The following UNC93A variants were observed in gnomAD, a reference collection of about 807,000 sequenced individuals.
UNC93A encodes unc-93 homolog A, also known as N-acetylglucosamine transporter UNC93A.
In UNC93A, 43 loss-of-function variants were observed where a neutral mutation model predicts 47.5. The ratio of observed to expected loss-of-function variants is 0.91; its 90% CI spans 0.71 to 1.17. The LOEUF (loss-of-function observed/expected upper bound fraction) is 1.17. UNC93A is among the 50% of genes most tolerant of loss of function. The pLI, the probability that UNC93A is intolerant of heterozygous loss-of-function variation, is 0.00. For missense variants in UNC93A, 605 were observed against 577.6 expected (o/e 1.05, Z -0.49); for synonymous variants, 280 against 258.0 (o/e 1.09, Z -0.82).
rs772633953 is a variant in UNC93A at position 167,307,774 on chromosome 6, C to G, written c.977-5C>G. 4.7e-5 allele frequency: 75 copies of G among 1,591,334 alleles called. No homozygotes were observed. The highest frequency in any genetic ancestry group is 6.1e-5 in the Non-Finnish European group (71 of 1,171,998). ...CGCCTGGCGGTTTCCCCTCTGCACC[C>G]CCAGGCGCGGTGACCCACGTGTCCT... On this transcript the variant is annotated splice_polypyrimidine_tract_variant and splice_region_variant and intron_variant, in intron 6 of 7. Transcript: ENST00000230256.
At chr6:167,291,025 T>G (rs1783830694), upstream of UNC93A, among the ~76,000 whole-genome samples, 1 of 152,166 alleles carries the variant, frequency 6.6e-6, no homozygotes, top group African/African-American at 2.4e-5. Flanking sequence ...AAGTTGACAT[T>G]TATGCTTTGT....
intron 1 of UNC93A, among the ~76,000 whole-genome samples, chr6:167,285,676 G>T (rs558019715): frequency 6.6e-6 from 1 of 151,564 alleles, no homozygotes; most frequent in Non-Finnish European, 1.5e-5. Context: ...TGGGGTGGGG[G>T]TTCTGGAGGG....
At chr6:167,305,040 G>C (rs1415806392) in intron 5 of UNC93A, among the ~76,000 whole-genome samples, 1 of 152,238 alleles carries the variant, frequency 6.6e-6, no homozygotes, top group African/African-American at 2.4e-5. Flanking sequence ...CTGGGGGCCA[G>C]AGCTGGACCA....
intron 7 of UNC93A, among the ~76,000 whole-genome samples, chr6:167,309,688 CCTCAGA>C (rs1778504542): frequency 6.6e-6 from 1 of 152,196 alleles, no homozygotes; most frequent in Non-Finnish European, 1.5e-5. Context: ...GCACATGTGA[CCTCAGA>C]TCGCGGACAG....
chr6:167,294,268 C>A (rs576765347), intron 1 of UNC93A, among the ~76,000 whole-genome samples: 2 of 152,162 alleles, frequency 1.3e-5, no homozygotes, highest in African/African-American at 4.8e-5. Flanking sequence ...CATCCAGCCC[C>A]GGCGCAAGCA....
At chr6:167,276,363 C>A (rs1358245013) in intron 1 of UNC93A, among the ~76,000 whole-genome samples, 2 of 152,136 alleles carry the variant, frequency 1.3e-5, no homozygotes, top group Admixed American at 1.3e-4. Flanking sequence ...TGGATGAACA[C>A]CCAGGAGTGG....
intron 1 of UNC93A, among the ~76,000 whole-genome samples, chr6:167,281,045 G>A (rs1783623433): frequency 6.6e-6 from 1 of 152,086 alleles, no homozygotes; most frequent in Admixed American, 6.5e-5. Flanking sequence ...TATCATGATT[G>A]CCCAGAAGGA....
Position 167,292,363 on chromosome 6 carries a change from G to A in UNC93A, c.87+787G>A, listed in dbSNP as rs1783860403. Among the ~76,000 whole-genome samples the A allele has an allele frequency of 2.6e-5, 4 of 152,134 alleles. No homozygotes were observed. In the South Asian group the frequency reaches 6.2e-4, roughly 24 times the overall value. On this transcript the variant is annotated intron_variant, in intron 1 of 7. Coordinates refer to ENST00000230256, the MANE Select transcript of UNC93A (RefSeq NM_018974.4). ...AAATTAGTGTGGTCTTACATGGTTCGTCAATGAAGAATAAGAATTGGGCAC... is the reference window on the plus strand; with the variant it reads ...AAATTAGTGTGGTCTTACATGGTTCATCAATGAAGAATAAGAATTGGGCAC...
chr6:167,280,855 A>T (rs1783620356), intron 1 of UNC93A, among the ~76,000 whole-genome samples: 1 of 152,198 alleles, frequency 6.6e-6, no homozygotes, highest in Non-Finnish European at 1.5e-5. Flanking sequence ...GAAAACGCCC[A>T]TCAGCAGGCA....
chr6:167,275,321 T>A (rs1488563912), intron 1 of UNC93A, among the ~76,000 whole-genome samples: 1 of 152,232 alleles, frequency 6.6e-6, no homozygotes, highest in Non-Finnish European at 1.5e-5. Flanking sequence ...GGTGGCTTCC[T>A]CAGTGGCGTT....
intron 1 of UNC93A, among the ~76,000 whole-genome samples, chr6:167,274,166 C>T (rs971492178): frequency 9.9e-5 from 15 of 152,214 alleles, no homozygotes; most frequent in Middle Eastern, 3.4e-3. Flanking sequence ...TGGAAAGAGC[C>T]GAGTTACACA....
intron 1 of UNC93A, among the ~76,000 whole-genome samples, chr6:167,274,226 C>A (rs1442588235): frequency 4.6e-5 from 7 of 152,194 alleles, no homozygotes; most frequent in Non-Finnish European, 1.5e-5. Flanking sequence ...AGGGTGACCT[C>A]CCCAGGCCCC....
intron 1 of UNC93A, among the ~76,000 whole-genome samples, chr6:167,273,204 G>A (rs752573910): frequency 1.3e-5 from 2 of 152,092 alleles, no homozygotes; most frequent in African/African-American, 2.4e-5. Flanking sequence ...TTTCCTTCCC[G>A]GGCTTGTGCA....
intron 6 of UNC93A, 23 bp from the exon 7 acceptor site, chr6:167,307,756 C>T (rs1032450693): frequency 1.4e-5 from 23 of 1,611,838 alleles, no homozygotes; most frequent in Middle Eastern, 1.6e-4. Context: ...CATCGCCTGG[C>T]GGTTTCCCCT....
At chr6:167,302,350 G>A (rs1160701953) in intron 4 of UNC93A, among the ~76,000 whole-genome samples, 3 of 152,016 alleles carry the variant, frequency 2.0e-5, no homozygotes, top group Non-Finnish European at 4.4e-5. Flanking sequence ...AATTCCCGTC[G>A]TCTTTAGAGG....
intron 1 of UNC93A, among the ~76,000 whole-genome samples, chr6:167,285,960 C>CTCTCTCTCTATA (rs534979428): frequency 1.4e-5 from 2 of 139,392 alleles, no homozygotes; most frequent in African/African-American, 5.2e-5. Context: ...CTCTCTCTCT[C>CTCTCTCTCTATA]TATATATATA....
chr6:167,276,818 C>T (rs924969716), intron 1 of UNC93A, among the ~76,000 whole-genome samples: 44 of 152,222 alleles, frequency 2.9e-4, no homozygotes, highest in Non-Finnish European at 2.5e-4. Flanking sequence ...CCCCGGGAGT[C>T]GTGGCCATCC....
At chr6:167,303,776 A>G (rs1378524988) in intron 4 of UNC93A, 143 bp from the exon 5 acceptor site, 1 of 724,540 alleles carries the variant, frequency 1.4e-6, no homozygotes. Context: ...ATCCTTAAGC[A>G]TGTTGTGTCT....
chr6:167,295,769 T>C (rs1039058369), intron 2 of UNC93A, among the ~76,000 whole-genome samples: 42 of 152,366 alleles, frequency 2.8e-4, no homozygotes, highest in Non-Finnish European at 5.9e-4. Flanking sequence ...ACCTTGTTGT[T>C]TGCAATCGCA....
Sources: allele counts gnomAD v4.1 joint callset (sites outside exome capture counted in the v4.1 genomes callset), GRCh38; gene constraint gnomAD v4.1.1; transcripts MANE v1.5; gene names NCBI Gene and HGNC (gene_info 2026-07-23, HGNC 2026-07-21).